The following LY6E variants were observed in gnomAD, a reference collection of about 807,000 sequenced individuals.
LY6E encodes lymphocyte antigen 6 family member E, also known as lymphocyte antigen 6E.
A neutral mutation model predicts 7.7 loss-of-function variants in LY6E; 4 were observed. That is an observed-to-expected ratio of 0.52 (90% confidence interval 0.25 to 1.18). The LOEUF (loss-of-function observed/expected upper bound fraction) is 1.18. LY6E is among the 50% of genes most tolerant of loss of function. The pLI is 0.14. For missense variants in LY6E, 156 were observed against 168.0 expected (o/e 0.93, Z 0.40); for synonymous variants, 81 against 80.1 (o/e 1.01, Z -0.06).
In LY6E at chr8:143,021,817, C is replaced by A; in HGVS notation, c.*28C>A. 1 of 1,565,536 alleles carries A rather than the reference C, an allele frequency of 6.4e-7. No individual in the cohort carries two copies. Among genetic ancestry groups the A allele is most frequent in the Non-Finnish European group, 8.6e-7 (1 of 1,158,010 alleles). On this transcript the variant is annotated 3_prime_UTR_variant, in exon 4 of 4. Coordinates refer to ENST00000292494, the MANE Select transcript of LY6E (RefSeq NM_002346.3). ...GCCCAGACCCTGTCCCCCGATCCCC[C>A]AGCTCAGGAAGGAAAGCCCAGCCCT...
rs1249886033 is a variant in LY6E, at chr8:143,022,020, C to T, written c.*231C>T. On this transcript the variant is annotated 3_prime_UTR_variant, in exon 4 of 4. Transcript: ENST00000292494. ...TGATGTGACCTTCCTTGGGGGACCG[C>T]GGAAGGGACGAGGGTTCCCTGGAGT... 1.7e-5 allele frequency: 10 copies of T among 581,504 alleles called. No individual in the cohort carries two copies. The South Asian group carries it at 1.7e-4, about 10-fold the overall frequency. 36.0% of individuals were successfully genotyped at this position (581,504 alleles called of 1,614,324 possible).
At chr8:143,018,618 C>A (rs535526402) in intron 1 of LY6E, 32 bp downstream of exon 1, 1 of 149,752 alleles carries the variant, frequency 6.7e-6, no homozygotes, top group East Asian at 1.9e-4. Context: ...CGGGACGCCC[C>A]CGCCACCTGC....
intron 1 of LY6E, 137 bp from the exon 2 acceptor site, chr8:143,020,746 A>G: frequency 1.6e-6 from 1 of 609,090 alleles, no homozygotes; most frequent in South Asian, 1.9e-5. Flanking sequence ...GTGGGTCAGG[A>G]GAGAAGCAGG....
In LY6E at chr8:143,020,855, CGGCCCCCT is replaced by C; in HGVS notation, c.-57-27_-57-20del. 1 of 1,329,116 alleles carries C rather than the reference CGGCCCCCT, an allele frequency of 7.5e-7. No homozygotes were observed. The highest frequency in any genetic ancestry group is 1.1e-6 in the Non-Finnish European group (1 of 933,448). The allele number at this position is 1,329,116 out of a possible 1,614,324, so 82.3% of individuals were successfully genotyped here. ...TCTTGGGGAGGAGTGAGGCACCACC[CGGCCCCCT>C]AACCAGTGTGTCTCTCCAGAGCAGG... is the stretch of plus-strand genomic sequence containing the variant. On this transcript the variant is annotated intron_variant, in intron 1 of 3. Coordinates refer to ENST00000292494, the MANE Select transcript of LY6E (RefSeq NM_002346.3).
At position 143,021,090 on chromosome 8, in the gene LY6E, C is replaced by G; in HGVS notation, c.52+99C>G. 2.1e-6 allele frequency: 3 copies of G among 1,396,542 alleles called. No individual in the cohort carries two copies. In the South Asian group the frequency reaches 3.8e-5, roughly 17 times the overall value. 86.5% of individuals were successfully genotyped at this position (1,396,542 alleles called of 1,614,324 possible). A position where few individuals can be genotyped will look rare whatever the true frequency, so the allele number is the denominator to read the frequency against. On this transcript the variant is annotated intron_variant, in intron 2 of 3. Coordinates refer to ENST00000292494, the MANE Select transcript of LY6E (RefSeq NM_002346.3). ...TGAGCAGACGCCCCAGGGGTCCTTC[C>G]AGGCCGCTCCCAGCAGAGGGCTCAC... is the stretch of plus-strand genomic sequence containing the variant.
Position 143,022,290 on chromosome 8 carries a change from G to C in LY6E, c.*501G>C, listed in dbSNP as rs1210036269. 2 of 162,578 alleles carry C rather than the reference G, an allele frequency of 1.2e-5. No individual in the cohort carries two copies. The highest frequency in any genetic ancestry group is 4.8e-5 in the African/African-American group (2 of 41,764). The allele number at this position is 162,578 out of a possible 1,614,324, so 10.1% of individuals were successfully genotyped here. ...TTCAAGGGCAGCCTTTGGGGGTTGGGGTTTCTGCCACTTCCGGGTCTAGGC... is the reference window on the plus strand; with the variant it reads ...TTCAAGGGCAGCCTTTGGGGGTTGGCGTTTCTGCCACTTCCGGGTCTAGGC... On this transcript the variant is annotated 3_prime_UTR_variant, in exon 4 of 4. Transcript: ENST00000292494.
chr8:143,020,788 C>G, intron 1 of LY6E, 95 bp from the exon 2 acceptor site: 1 of 670,552 alleles, frequency 1.5e-6, no homozygotes, highest in Non-Finnish European at 2.6e-6. Context: ...GTCCCTTCCC[C>G]TCTGCTGTCT....
chr8:143,022,079 A>G lies in LY6E; in HGVS notation c.*290A>G, dbSNP rs1314675911. 3.8e-6 allele frequency: 2 copies of G among 532,290 alleles called. No individual in the cohort carries two copies. Among genetic ancestry groups the G allele is most frequent in the Non-Finnish European group, 6.6e-6 (2 of 301,634 alleles). The allele number at this position is 532,290 out of a possible 1,614,324, so 33.0% of individuals were successfully genotyped here. ...CCAACATCAGGACCAAGTCCCATGGACATGCTGACAGGGTCCCCAGGGAGA... is the reference window on the plus strand; with the variant it reads ...CCAACATCAGGACCAAGTCCCATGGGCATGCTGACAGGGTCCCCAGGGAGA... On this transcript the variant is annotated 3_prime_UTR_variant, in exon 4 of 4. Transcript: ENST00000292494.
intron 1 of LY6E, 86 bp from the exon 2 acceptor site, chr8:143,020,797 C>G: frequency 1.4e-6 from 1 of 706,360 alleles, no homozygotes; most frequent in South Asian, 1.7e-5. Flanking sequence ...CCTCTGCTGT[C>G]TGTGTCCTCA....
chr8:143,021,683 T>C lies in LY6E; in HGVS notation c.290T>C (p.Leu97Pro). 6.2e-7 allele frequency: 1 copy of C among 1,613,758 alleles called. No individual in the cohort carries two copies. The highest frequency in any genetic ancestry group is 8.5e-7 in the Non-Finnish European group (1 of 1,180,028). ...GGCATCAGCTGCTGCCAGAGCTTTCTGTGCAATTTCAGTGCGGCCGATGGC... is the reference window on the plus strand; with the variant it reads ...GGCATCAGCTGCTGCCAGAGCTTTCCGTGCAATTTCAGTGCGGCCGATGGC... ...SMGISCCQSF[L>P]CNFSAADGGL... The change falls in exon 4 of 4, where the codon CTG (leucine) becomes CCG (proline). Residue 97 changes from leucine (L) to proline (P), a missense_variant. Transcript: ENST00000292494.
rs374258767 is a variant in LY6E at position 143,021,695 on chromosome 8, G to A, written c.302G>A (p.Ser101Asn). The A allele has an allele frequency of 1.7e-5, 27 of 1,613,540 alleles. No homozygotes were observed. Among genetic ancestry groups the A allele is most frequent in the Admixed American group, 8.3e-5 (5 of 60,006 alleles). ...SCCQSFLCNFSAADGGLRASV... is the reference protein window; with the variant it reads ...SCCQSFLCNFNAADGGLRASV... ...TGCCAGAGCTTTCTGTGCAATTTCA[G>A]TGCGGCCGATGGCGGGCTGCGGGCA... Residue 101 changes from serine to asparagine, a missense_variant, in exon 4 of 4, where the codon AGT becomes AAT. Ser to Asn is a conservative substitution (Grantham distance 46). Transcript: ENST00000292494.
At chr8:143,021,138 C>A in intron 2 of LY6E, 147 bp downstream of exon 2, 1 of 1,236,828 alleles carries the variant, frequency 8.1e-7, no homozygotes, top group Non-Finnish European at 1.1e-6. Flanking sequence ...CACTGTCTCA[C>A]TGTGTGTTTG....
At position 143,020,879 on chromosome 8, in the gene LY6E, C is replaced by A. The variant is rs1819202821; in HGVS notation, c.-57-4C>A. On this transcript the variant is annotated splice_polypyrimidine_tract_variant and splice_region_variant and intron_variant, in intron 1 of 3. Transcript: ENST00000292494. ...CCGGCCCCCTAACCAGTGTGTCTCT[C>A]CAGAGCAGGACAGGCTGCTTTGGTT... 1.3e-6 allele frequency: 2 copies of A among 1,544,536 alleles called. No individual in the cohort carries two copies. Among genetic ancestry groups the A allele is most frequent in the African/African-American group, 2.7e-5 (2 of 73,630 alleles).
rs1450825014 is a variant in LY6E at position 143,020,881 on chromosome 8, A to G, written c.-57-2A>G. ...GGCCCCCTAACCAGTGTGTCTCTCC[A>G]GAGCAGGACAGGCTGCTTTGGTTTG... On this transcript the variant is annotated splice_acceptor_variant, in intron 1 of 3. Transcript: ENST00000292494. LOFTEE classifies it low-confidence loss of function (5UTR_SPLICE). 7 of 1,551,768 alleles carry G rather than the reference A, an allele frequency of 4.5e-6. No homozygotes were observed. In the South Asian group the frequency reaches 8.0e-5, roughly 18 times the overall value.
At position 143,020,513 on chromosome 8, in the gene LY6E, C is replaced by T. The variant is rs946434160; in HGVS notation, c.-57-370C>T. Reference sequence around the variant, plus strand: ...CCTCACATAGCATGGAGATTACAGGCGTGAGCCCCTGTACCCAGCCCCAGA... The same window carrying T: ...CCTCACATAGCATGGAGATTACAGGTGTGAGCCCCTGTACCCAGCCCCAGA... On this transcript the variant is annotated intron_variant, in intron 1 of 3. Transcript: ENST00000292494. 6 of 189,346 alleles carry T rather than the reference C, an allele frequency of 3.2e-5. No individual in the cohort carries two copies. In the East Asian group the frequency reaches 5.4e-4, roughly 17 times the overall value. 11.7% of individuals were successfully genotyped at this position (189,346 alleles called of 1,614,324 possible).
chr8:143,021,126 C>A, intron 2 of LY6E, 135 bp downstream of exon 2: 1 of 1,233,228 alleles, frequency 8.1e-7, no homozygotes, highest in Non-Finnish European at 1.1e-6. Context: ...CCGGCCTGGC[C>A]ACACTGTCTC....
chr8:143,021,534 T>C, intron 3 of LY6E, 32 bp from the exon 4 acceptor site: 1 of 1,613,134 alleles, frequency 6.2e-7, no homozygotes, highest in Non-Finnish European at 8.5e-7. Context: ...CAGCCGTCTG[T>C]CTCTCCCCTG....
intron 2 of LY6E, 22 bp downstream of exon 2, chr8:143,021,013 C>A: frequency 6.3e-7 from 1 of 1,598,980 alleles, no homozygotes; most frequent in Non-Finnish European, 8.5e-7. Context: ...TTGGGGACCC[C>A]AGACCTTTGT....
chr8:143,020,822 G>A lies in LY6E; in HGVS notation c.-57-61G>A, dbSNP rs1819200731. ...CTGTGTCCTCATCTGCAAAGTGGGGGTGCATGGTCTTGGGGAGGAGTGAGG... is the reference window on the plus strand; with the variant it reads ...CTGTGTCCTCATCTGCAAAGTGGGGATGCATGGTCTTGGGGAGGAGTGAGG... On this transcript the variant is annotated intron_variant, in intron 1 of 3. Transcript: ENST00000292494. The A allele has an allele frequency of 1.3e-5, 11 of 855,478 alleles. No homozygotes were observed. In the East Asian group the frequency reaches 2.5e-4, roughly 20 times the overall value. The allele number at this position is 855,478 out of a possible 1,614,324, so 53.0% of individuals were successfully genotyped here. A position where few individuals can be genotyped will look rare whatever the true frequency, so the allele number is the denominator to read the frequency against.
Sources: gnomAD v4.1 joint callset for allele counts on GRCh38, gnomAD v4.1.1 for gene constraint, MANE v1.5 for transcripts, NCBI Gene and HGNC (gene_info 2026-07-23, HGNC 2026-07-21) for gene names.